The following KCNMA1 variants were observed in gnomAD, a reference collection of about 807,000 sequenced individuals.
KCNMA1 encodes potassium calcium-activated channel subfamily M alpha 1.
A neutral mutation model predicts 140.0 loss-of-function variants in KCNMA1; 29 were observed. That is an observed-to-expected ratio of 0.21 (90% CI 0.15 to 0.28). The LOEUF (loss-of-function observed/expected upper bound fraction) is 0.28, where lower values mean the gene tolerates loss of function less well. KCNMA1 is among the 10% of genes least tolerant of loss of function. The pLI is 1.00. For synonymous variants in KCNMA1, 612 were observed against 611.9 expected, an observed-to-expected ratio of 1.00 and a Z score of 0.00; for missense variants, 880 against 1,602.2, an observed-to-expected ratio of 0.55 and a Z score of 7.70.
At chr10:77,544,374 G>A (rs909961139) in intron 1 of KCNMA1, among the ~76,000 whole-genome samples, 6 of 152,014 alleles carry the variant, frequency 3.9e-5, no homozygotes, top group African/African-American at 7.3e-5. Flanking sequence ...TGAAGAGCAC[G>A]GCATCTAGCC....
chr10:77,524,485 T>C (rs11002192), intron 1 of KCNMA1, among the ~76,000 whole-genome samples: 158 of 152,214 alleles, frequency 1.0e-3, no homozygotes, highest in African/African-American at 3.6e-3. Flanking sequence ...AGAAGAATAT[T>C]CCCTTCTCCT....
chr10:77,447,555 A>C (rs1482889772), intron 1 of KCNMA1, among the ~76,000 whole-genome samples: 1 of 152,226 alleles, frequency 6.6e-6, no homozygotes, highest in Non-Finnish European at 1.5e-5. Flanking sequence ...GCAGCTGCTG[A>C]TCAGGTAGAC....
rs1050002102 is a variant in KCNMA1, at chr10:77,471,931, T to C, written c.379-67908A>G. The stretch of plus-strand genomic sequence containing the variant: ...ACACTATACACACACCATATATATA[T>C]ACACACCACATACACCATACATACA... On this transcript the variant is annotated intron_variant, in intron 1 of 27. Coordinates refer to ENST00000286628, the MANE Select transcript of KCNMA1 (RefSeq NM_001161352.2). Among the ~76,000 whole-genome samples the C allele has an allele frequency of 8.1e-5, 12 of 148,194 alleles. No homozygotes were observed. The South Asian group carries it at 1.3e-3, about 16-fold the overall frequency.
chr10:77,605,144 C>G (rs575319095), intron 1 of KCNMA1, among the ~76,000 whole-genome samples: 1 of 152,256 alleles, frequency 6.6e-6, no homozygotes, highest in Non-Finnish European at 1.5e-5. Flanking sequence ...CCAAGGACCG[C>G]GCCCAGCCGC....
chr10:77,590,585 G>T (rs1490766010), intron 1 of KCNMA1, among the ~76,000 whole-genome samples: 2 of 152,196 alleles, frequency 1.3e-5, no homozygotes, highest in African/African-American at 2.4e-5. Flanking sequence ...ACACCTCCCC[G>T]CAAGCTGAGG....
At chr10:76,948,895 A>G (rs111987375) in intron 22 of KCNMA1, 86 of 568,552 alleles carry the variant, frequency 1.5e-4, no homozygotes, top group African/African-American at 1.5e-3. Flanking sequence ...GATATGGTTA[A>G]TATACTTGAT....
intron 15 of KCNMA1, among the ~76,000 whole-genome samples, chr10:77,030,089 T>C (rs1209516311): frequency 6.6e-6 from 1 of 152,174 alleles, no homozygotes; most frequent in African/African-American, 2.4e-5. Flanking sequence ...TTCCTACATG[T>C]GAGGTTGTGG....
chr10:76,919,085 C>T (rs1275163757), intron 23 of KCNMA1, among the ~76,000 whole-genome samples: 1 of 152,082 alleles, frequency 6.6e-6, no homozygotes, highest in African/African-American at 2.4e-5. Flanking sequence ...TATGTTCTCA[C>T]TGGTATGTGG....
At chr10:77,257,716 T>C (rs1448882140) in intron 2 of KCNMA1, among the ~76,000 whole-genome samples, 1 of 152,106 alleles carries the variant, frequency 6.6e-6, no homozygotes, top group East Asian at 1.9e-4. Context: ...GGGCGGGTCT[T>C]TCCCATGCTG....
intron 1 of KCNMA1, among the ~76,000 whole-genome samples, chr10:77,561,603 C>T (rs570808245): frequency 6.6e-6 from 1 of 152,194 alleles, no homozygotes; most frequent in Non-Finnish European, 1.5e-5. Context: ...TTTGTGTCCA[C>T]TCCACCCAGA....
At chr10:77,455,035 C>CT (rs2097734802) in intron 1 of KCNMA1, among the ~76,000 whole-genome samples, 1 of 152,182 alleles carries the variant, frequency 6.6e-6, no homozygotes, top group Admixed American at 6.5e-5. Flanking sequence ...CCTCCCTATC[C>CT]TTGCCATATT....
At chr10:76,954,145 T>C (rs2067272896) in intron 20 of KCNMA1, among the ~76,000 whole-genome samples, 1 of 152,168 alleles carries the variant, frequency 6.6e-6, no homozygotes, top group Non-Finnish European at 1.5e-5. Context: ...GGAGCATTTC[T>C]GCCTTTCCCC....
intron 1 of KCNMA1, among the ~76,000 whole-genome samples, chr10:77,490,570 A>G (rs2098520328): frequency 6.6e-6 from 1 of 152,208 alleles, no homozygotes; most frequent in Non-Finnish European, 1.5e-5. Context: ...GAGTGCCTAC[A>G]ACACGCTAAG....
intron 2 of KCNMA1, among the ~76,000 whole-genome samples, chr10:77,299,579 T>A (rs1353463481): frequency 6.6e-6 from 1 of 152,206 alleles, no homozygotes; most frequent in Non-Finnish European, 1.5e-5. Flanking sequence ...AAGTTGTTTT[T>A]GTACTTTCCA....
intron 2 of KCNMA1, among the ~76,000 whole-genome samples, chr10:77,306,793 G>A (rs2077867723): frequency 6.6e-6 from 1 of 152,166 alleles, no homozygotes; most frequent in Non-Finnish European, 1.5e-5. Context: ...GGGCCACAGT[G>A]CTATCTAGGA....
intron 2 of KCNMA1, among the ~76,000 whole-genome samples, chr10:77,340,738 G>A (rs1053079624): frequency 2.0e-5 from 3 of 152,002 alleles, no homozygotes; most frequent in African/African-American, 7.3e-5. Context: ...GGCAGGGATA[G>A]CATTAGGAGA....
intron 23 of KCNMA1, chr10:76,930,371 G>A (rs1251836161): frequency 6.6e-6 from 1 of 152,172 alleles, no homozygotes; most frequent in Non-Finnish European, 1.5e-5. Flanking sequence ...AAGTAGATAT[G>A]AAAAGGTGCT....
intron 3 of KCNMA1, among the ~76,000 whole-genome samples, chr10:77,238,395 C>T (rs745653348): frequency 6.6e-6 from 1 of 152,152 alleles, no homozygotes; most frequent in Non-Finnish European, 1.5e-5. Context: ...AATTTGTCCT[C>T]TACAAACAAG....
intron 1 of KCNMA1, among the ~76,000 whole-genome samples, chr10:77,465,262 G>A (rs768288029): frequency 1.3e-5 from 2 of 152,182 alleles, no homozygotes; most frequent in African/African-American, 4.8e-5. Flanking sequence ...TAAGGCTGGA[G>A]ATTCAACTAA....
Sources: allele counts gnomAD v4.1 joint callset (sites outside exome capture counted in the v4.1 genomes callset), GRCh38; gene constraint gnomAD v4.1.1; transcripts MANE v1.5; gene names NCBI Gene and HGNC (gene_info 2026-07-23, HGNC 2026-07-21).